RNF212: variants seen among roughly 807,000 people sequenced by gnomAD.
RNF212 encodes the protein probable E3 SUMO-protein ligase RNF212.
Under a neutral mutation model 34.7 loss-of-function variants are expected in RNF212, and 33 were observed. That is an observed-to-expected ratio of 0.95 (90% confidence interval 0.72 to 1.27). The LOEUF (loss-of-function observed/expected upper bound fraction) is 1.27. Among genes scored for constraint, RNF212 ranks in the 50% most tolerant of loss-of-function variants. The pLI is 0.00. For missense variants in RNF212, 377 were observed against 362.2 expected, an observed-to-expected ratio of 1.04 and a Z score of -0.33; for synonymous variants, 140 against 136.1, an observed-to-expected ratio of 1.03 and a Z score of -0.20.
At chr4:1,066,679 A>G (rs1206040383), downstream of RNF212, among the ~76,000 whole-genome samples, 1 of 152,148 alleles carries the variant, frequency 6.6e-6, no homozygotes, top group Admixed American at 6.5e-5. Context: ...TTAGTTCTTT[A>G]TGTATTCTGG....
chr4:1,093,198 T>G, intron 3 of RNF212: 1 of 264,990 alleles, frequency 3.8e-6, no homozygotes, highest in Admixed American at 5.0e-5. Context: ...TGCTCAGAGT[T>G]TTGGTCTTGG....
chr4:1,106,625 T>G (rs1560165471), intron 2 of RNF212, among the ~76,000 whole-genome samples: 1 of 152,166 alleles, frequency 6.6e-6, no homozygotes, highest in Non-Finnish European at 1.5e-5. Flanking sequence ...TTAAATATAC[T>G]TACTAGGAAA....
chr4:1,105,967 G>A (rs763623798), intron 2 of RNF212, among the ~76,000 whole-genome samples: 22 of 152,220 alleles, frequency 1.4e-4, no homozygotes, highest in Non-Finnish European at 2.6e-4. Flanking sequence ...ACCACGAGGC[G>A]GCCAGAGGCC....
At chr4:1,081,367 C>T in intron 7 of RNF212, 52 bp downstream of exon 7, 1 of 1,526,958 alleles carries the variant, frequency 6.5e-7, no homozygotes, top group East Asian at 2.3e-5. Context: ...AAGGCAGGTG[C>T]AGAATCGGAA....
chr4:1,059,544 C>A (rs1717602584), intron 3 of RNF212, among the ~76,000 whole-genome samples: 1 of 150,564 alleles, frequency 6.6e-6, no homozygotes, highest in Admixed American at 6.6e-5. Context: ...CAAGCCTGGG[C>A]GGCCTGTTCC....
chr4:1,080,104 T>C (rs550466069), intron 7 of RNF212, among the ~76,000 whole-genome samples: 1 of 152,324 alleles, frequency 6.6e-6, no homozygotes, highest in East Asian at 1.9e-4. Flanking sequence ...TGGCCACACA[T>C]ACCACACCGT....
At chr4:1,070,355 T>C (rs1472484215), downstream of RNF212, among the ~76,000 whole-genome samples, 3 of 146,170 alleles carry the variant, frequency 2.1e-5, no homozygotes, top group African/African-American at 7.7e-5. Context: ...CGGGTGGTTT[T>C]GTAGGGCTGT....
downstream of RNF212, chr4:1,071,465 C>G (rs1342770919): frequency 6.6e-6 from 1 of 151,806 alleles, no homozygotes; most frequent in Non-Finnish European, 1.5e-5. Flanking sequence ...GGACAAGCCA[C>G]AAAATGGAAG....
In RNF212 at chr4:1,072,434, C is replaced by T. The variant is rs2153035881; in HGVS notation, c.*440G>A. ...TGATAATGATGTATTCAAGTAGGAT[C>T]ATCAGTTTTAACACATGGACTGCTC... On this transcript the variant is annotated 3_prime_UTR_variant, in exon 10 of 10. Transcript: ENST00000433731. The T allele has an allele frequency of 6.0e-6, 1 of 166,634 alleles. No individual in the cohort carries two copies. The highest frequency in any genetic ancestry group is 1.6e-4 in the South Asian group (1 of 6,266). The allele number at this position is 166,634 out of a possible 1,614,324, so 10.3% of individuals were successfully genotyped here. A position where few individuals can be genotyped will look rare whatever the true frequency, so the allele number is the denominator to read the frequency against.
intron 3 of RNF212, among the ~76,000 whole-genome samples, chr4:1,092,969 A>G (rs1337261522): frequency 1.3e-5 from 2 of 152,254 alleles, no homozygotes; most frequent in African/African-American, 2.4e-5. Flanking sequence ...CGTCCACATG[A>G]GCTCCAAACT....
chr4:1,093,828 C>A (rs1239011613), intron 3 of RNF212: 1 of 1,536,200 alleles, frequency 6.5e-7, no homozygotes, highest in South Asian at 1.2e-5. Flanking sequence ...ATGGTGTTTC[C>A]CTGGGCCTCT....
At chr4:1,078,767 A>G (rs1368510573) in intron 8 of RNF212, among the ~76,000 whole-genome samples, 1 of 152,214 alleles carries the variant, frequency 6.6e-6, no homozygotes, top group Non-Finnish European at 1.5e-5. Context: ...CAGAACCAAC[A>G]TAGGACCAAT....
chr4:1,113,626 C>G, upstream of RNF212: 1 of 512,168 alleles, frequency 2.0e-6, no homozygotes, highest in Non-Finnish European at 3.4e-6. Flanking sequence ...CTCCCGCCAA[C>G]CTCGCGGGTT....
intron 2 of RNF212, among the ~76,000 whole-genome samples, chr4:1,103,219 G>A (rs1275425470): frequency 6.6e-6 from 1 of 152,112 alleles, no homozygotes; most frequent in East Asian, 1.9e-4. Context: ...ACTTTAAACA[G>A]TTCGATGTCT....
At chr4:1,074,949 A>G (rs961571943) in intron 8 of RNF212, among the ~76,000 whole-genome samples, 2 of 152,114 alleles carry the variant, frequency 1.3e-5, no homozygotes, top group Non-Finnish European at 2.9e-5. Context: ...TATCAAGTTC[A>G]TCCTAAGAAT....
chr4:1,108,495 T>A, intron 1 of RNF212, 91 bp from the exon 2 acceptor site: 1 of 612,526 alleles, frequency 1.6e-6, no homozygotes, highest in East Asian at 3.4e-5. Flanking sequence ...CTCCAAGAAA[T>A]AGGCAGGATT....
At chr4:1,056,909 C>T in intron 4 of RNF212, 1 of 988,062 alleles carries the variant, frequency 1.0e-6, no homozygotes, top group Non-Finnish European at 1.2e-6. Context: ...CTGGGAGCCC[C>T]CGAAGCTTGG....
chr4:1,057,724 G>C (rs17131824), intron 4 of RNF212, among the ~76,000 whole-genome samples: 15,689 of 151,752 alleles, frequency 0.1, 851 homozygotes, highest in Middle Eastern at 0.18. Flanking sequence ...TACTTTTGAA[G>C]TTTTTAGCAA....
At chr4:1,067,844 G>C (rs1367945729), downstream of RNF212, among the ~76,000 whole-genome samples, 4 of 150,912 alleles carry the variant, frequency 2.7e-5, no homozygotes. Context: ...CTCCAGCCTG[G>C]GCGACACAGC....
Sources: gnomAD v4.1 joint callset for allele counts (sites outside exome capture counted in the v4.1 genomes callset) on GRCh38, gnomAD v4.1.1 for gene constraint, MANE v1.5 for transcripts, NCBI Gene and HGNC (gene_info 2026-07-23, HGNC 2026-07-21) for gene names.